The following AGBL3 variants were observed in gnomAD, a reference collection of about 807,000 sequenced individuals.
AGBL3 encodes the protein cytosolic carboxypeptidase 3.
AGBL3 carries 68 observed loss-of-function variants against 94.5 expected under a neutral mutation model. That is an observed-to-expected ratio of 0.72 (90% confidence interval 0.59 to 0.88). The LOEUF is 0.88. AGBL3 is among the 40% of genes least tolerant of loss of function. The pLI, the probability that AGBL3 is intolerant of heterozygous loss-of-function variation, is 0.00. For missense variants in AGBL3, 934 were observed against 1,103.8 expected (o/e 0.85, Z 2.18); for synonymous variants, 354 against 370.7 (o/e 0.95, Z 0.52).
rs151058734 is a variant in AGBL3, at chr7:135,043,720, C to T, written c.1501-305C>T. On this transcript the variant is annotated intron_variant, in intron 8 of 16. Transcript: ENST00000436302. Reference sequence around the variant, plus strand: ...CCTGTATATATAAACTTACTATGTACCCACAAAAATTAAAAATTAAAAAAG... The same window carrying T: ...CCTGTATATATAAACTTACTATGTATCCACAAAAATTAAAAATTAAAAAAG... 1.8e-3 allele frequency among the ~76,000 whole-genome samples: 279 copies of T among 151,680 alleles called. 2 individuals are homozygous for T. Among genetic ancestry groups the T allele is most frequent in the African/African-American group, 6.3e-3 (261 of 41,352 alleles).
intron 12 of AGBL3, among the ~76,000 whole-genome samples, chr7:135,076,068 T>C (rs1820418965): frequency 6.6e-6 from 1 of 152,194 alleles, no homozygotes; most frequent in Non-Finnish European, 1.5e-5. Flanking sequence ...CAGGCTTATG[T>C]AGGGATTTTT....
intron 4 of AGBL3, among the ~76,000 whole-genome samples, chr7:135,005,155 T>G (rs1328540048): frequency 6.6e-6 from 1 of 151,746 alleles, no homozygotes; most frequent in Non-Finnish European, 1.5e-5. Flanking sequence ...TTTTATTCAT[T>G]TAAAAGTAAG....
intron 12 of AGBL3, among the ~76,000 whole-genome samples, chr7:135,066,304 TAA>T (rs1212554091): frequency 6.6e-6 from 1 of 152,202 alleles, no homozygotes; most frequent in East Asian, 1.9e-4. Context: ...AAGCTGATTT[TAA>T]AATGGGCTAA....
At chr7:135,020,370 C>A (rs893425769) in intron 5 of AGBL3, among the ~76,000 whole-genome samples, 1 of 152,222 alleles carries the variant, frequency 6.6e-6, no homozygotes, top group Non-Finnish European at 1.5e-5. Flanking sequence ...TACCATCTCA[C>A]ACAAGTTAGA....
chr7:135,064,132 T>C (rs1345684849), intron 12 of AGBL3, among the ~76,000 whole-genome samples: 1 of 151,942 alleles, frequency 6.6e-6, no homozygotes, highest in Non-Finnish European at 1.5e-5. Flanking sequence ...ATCAATGGGG[T>C]GGGGAAGGAT....
At chr7:135,134,820 C>T (rs1181390396) in intron 16 of AGBL3, 21 bp from the exon 17 acceptor site, 27 of 1,542,726 alleles carry the variant, frequency 1.8e-5, no homozygotes, top group African/African-American at 2.8e-5. Flanking sequence ...CAAAAATTCA[C>T]GTATTTCATT....
chr7:135,081,019 A>T (rs1820883414), intron 14 of AGBL3, among the ~76,000 whole-genome samples: 1 of 151,838 alleles, frequency 6.6e-6, no homozygotes, highest in Non-Finnish European at 1.5e-5. Flanking sequence ...TGGAGATAAG[A>T]ACCTAAGAAC....
At position 135,092,475 on chromosome 7, in the gene AGBL3, T is replaced by C. The variant is rs1000627359; in HGVS notation, c.2110+10685T>C. On this transcript the variant is annotated intron_variant, in intron 15 of 16. Coordinates refer to ENST00000436302, the MANE Select transcript of AGBL3 (RefSeq NM_178563.4). Reference sequence around the variant, plus strand: ...CATAATCTTTCCATTGTTGTTCATGTTCTTTTAAAAATCTGATGTTTCTCT... The same window carrying C: ...CATAATCTTTCCATTGTTGTTCATGCTCTTTTAAAAATCTGATGTTTCTCT... 2.0e-5 allele frequency: 3 copies of C among 152,222 alleles called. No individual in the cohort carries two copies. In the East Asian group the frequency reaches 5.8e-4, roughly 29 times the overall value. The allele number at this position is 152,222 out of a possible 1,614,324, so 9.4% of individuals were successfully genotyped here.
chr7:135,013,448 T>C (rs535274787), intron 4 of AGBL3, among the ~76,000 whole-genome samples: 1 of 152,316 alleles, frequency 6.6e-6, no homozygotes, highest in South Asian at 2.1e-4. Flanking sequence ...AATGGTCAAA[T>C]TGTGGCAATC....
intron 9 of AGBL3, among the ~76,000 whole-genome samples, 193 bp downstream of exon 9, chr7:135,044,344 G>C (rs112737321): frequency 6.6e-6 from 1 of 152,066 alleles, no homozygotes; most frequent in Non-Finnish European, 1.5e-5. Flanking sequence ...CCTTTGTTTA[G>C]AAAGGAAGAT....
chr7:135,134,878 A>G lies in AGBL3; in HGVS notation c.2380A>G (p.Ser794Gly). Residue 794 changes from serine (S) to glycine (G), a missense_variant, in exon 17 of 17, where the codon AGC (serine) becomes GGC (glycine). By Grantham distance (56) the Ser-to-Gly change is moderately conservative. Around this residue, in one of 3 missense-constraint regions of AGBL3, gnomAD observed 441 missense variants for 518.2 expected, o/e 0.85. Transcript: ENST00000436302. ...PATCRNIKKY[S>G]TSWTAPRNHP... ...TACTTGCAGAAATATAAAGAAATACAGCACATCTTGGACAGCACCCAGAAA... is the reference window on the plus strand; with the variant it reads ...TACTTGCAGAAATATAAAGAAATACGGCACATCTTGGACAGCACCCAGAAA... 6.4e-7 allele frequency: 1 copy of G among 1,550,878 alleles called. No homozygotes were observed. The highest frequency in any genetic ancestry group is 8.7e-7 in the Non-Finnish European group (1 of 1,146,484).
At chr7:135,036,442 CTT>C (rs768733371) in intron 7 of AGBL3, among the ~76,000 whole-genome samples, 15 of 152,018 alleles carry the variant, frequency 9.9e-5, no homozygotes, top group Non-Finnish European at 1.8e-4. Context: ...AAAATAATAA[CTT>C]AATCACCACA....
chr7:135,134,450 T>C lies in AGBL3; in HGVS notation c.2343-391T>C, dbSNP rs552528056. 4.6e-5 allele frequency among the ~76,000 whole-genome samples: 7 copies of C among 152,240 alleles called. No homozygotes were observed. In the South Asian group the frequency reaches 1.4e-3, roughly 32 times the overall value. Reference sequence around the variant, plus strand: ...TTACTGGTTATAGAAAAAAATCTCATAGCATATATACTGAATCCATTCTAA... The same window carrying C: ...TTACTGGTTATAGAAAAAAATCTCACAGCATATATACTGAATCCATTCTAA... On this transcript the variant is annotated intron_variant, in intron 16 of 16. Coordinates refer to ENST00000436302, the MANE Select transcript of AGBL3 (RefSeq NM_178563.4).
chr7:135,043,585 A>G (rs1203319751), intron 8 of AGBL3, among the ~76,000 whole-genome samples: 1 of 152,172 alleles, frequency 6.6e-6, no homozygotes, highest in Non-Finnish European at 1.5e-5. Context: ...TAAAAGTATA[A>G]TTGGGTTATT....
intron 3 of AGBL3, among the ~76,000 whole-genome samples, chr7:134,991,402 CTG>C (rs547771062): frequency 1.1e-3 from 171 of 151,998 alleles, no homozygotes; most frequent in Non-Finnish European, 1.9e-3. Flanking sequence ...TTAAGAAAGA[CTG>C]GGTTTCTGAT....
chr7:134,987,957 A>G lies in AGBL3; in HGVS notation c.24A>G (p.Glu8=). MSEDSEK[E]DYSDRTISDE... ...AGATGTCAGAAGATTCAGAAAAGGA[A>G]GACTATTCAGACAGAACAATCAGTG... is the stretch of plus-strand genomic sequence containing the variant. Residue 8 remains glutamate (E), a synonymous_variant, in exon 2 of 17, where the codon GAA becomes GAG. Coordinates refer to ENST00000436302, the MANE Select transcript of AGBL3 (RefSeq NM_178563.4). 6.5e-7 allele frequency: 1 copy of G among 1,548,200 alleles called. No homozygotes were observed. Among genetic ancestry groups the G allele is most frequent in the South Asian group, 1.2e-5 (1 of 83,104 alleles).
rs1585047286 is a variant in AGBL3 at position 135,089,948 on chromosome 7, G to A, written c.2110+8158G>A. Among the ~76,000 whole-genome samples the A allele has an allele frequency of 2.0e-5, 3 of 152,148 alleles. No individual in the cohort carries two copies. The South Asian group carries it at 6.2e-4, about 32-fold the overall frequency. ...CTCTCTATGGCAGAGTTGGATGTAG[G>A]TTCCTCCACAGAGCCAGGATCTGTG... On this transcript the variant is annotated intron_variant, in intron 15 of 16. Coordinates refer to ENST00000436302, the MANE Select transcript of AGBL3 (RefSeq NM_178563.4).
intron 5 of AGBL3, among the ~76,000 whole-genome samples, chr7:135,028,269 C>A (rs1815362433): frequency 6.6e-6 from 1 of 151,444 alleles, no homozygotes. Flanking sequence ...TGAAAGATTT[C>A]TCTGTAGCAT....
intron 11 of AGBL3, among the ~76,000 whole-genome samples, chr7:135,055,921 ATTTC>A (rs1818306222): frequency 6.6e-6 from 1 of 152,010 alleles, no homozygotes; most frequent in Non-Finnish European, 1.5e-5. Context: ...TATCAATTCG[ATTTC>A]TTTAATTGAT....
Sources: gnomAD v4.1 joint callset for allele counts (sites outside exome capture counted in the v4.1 genomes callset) on GRCh38, gnomAD v4.1.1 for gene constraint, gnomAD v4.1.1 regional missense constraint, MANE v1.5 for transcripts, NCBI Gene and HGNC (gene_info 2026-07-23, HGNC 2026-07-21) for gene names.